The following SYT14 variants were observed in gnomAD, a reference collection of about 807,000 sequenced individuals.
The protein encoded by SYT14 is synaptotagmin-14.
Under a neutral mutation model 74.2 loss-of-function variants are expected in SYT14, and 32 were observed. The ratio of observed to expected loss-of-function variants is 0.43; its 90% CI spans 0.33 to 0.58. The LOEUF (loss-of-function observed/expected upper bound fraction) is 0.58, where lower values mean the gene tolerates loss of function less well. SYT14 is among the 20% of genes least tolerant of loss of function. SYT14 has a pLI of 0.05. For synonymous variants in SYT14, 298 were observed against 337.7 expected, an observed-to-expected ratio of 0.88 and a Z score of 1.29; for missense variants, 791 against 981.8, an observed-to-expected ratio of 0.81 and a Z score of 2.60.
chr1:210,044,895 G>A (rs1348776629), intron 5 of SYT14, among the ~76,000 whole-genome samples: 2 of 152,134 alleles, frequency 1.3e-5, no homozygotes, highest in African/African-American at 4.8e-5. Context: ...GAGCAAGACA[G>A]TGAGTTGGCA....
intron 2 of SYT14, among the ~76,000 whole-genome samples, chr1:210,000,465 C>T (rs553382933): frequency 3.5e-5 from 3 of 86,114 alleles, no homozygotes; most frequent in East Asian, 3.3e-4. Flanking sequence ...TGTCCTCATA[C>T]GCACACACAC....
intron 2 of SYT14, among the ~76,000 whole-genome samples, chr1:209,971,192 A>G (rs749121242): frequency 1.3e-5 from 2 of 152,192 alleles, no homozygotes; most frequent in Non-Finnish European, 2.9e-5. Context: ...CTTAAACATT[A>G]TAAGTGTATA....
intron 5 of SYT14, among the ~76,000 whole-genome samples, chr1:210,082,575 A>G (rs569924904): frequency 6.6e-6 from 1 of 152,332 alleles, no homozygotes; most frequent in South Asian, 2.1e-4. Context: ...TATAAGACCT[A>G]CCTATCTCTT....
At chr1:210,010,506 A>G (rs891140810) in intron 2 of SYT14, among the ~76,000 whole-genome samples, 3 of 152,134 alleles carry the variant, frequency 2.0e-5, no homozygotes, top group African/African-American at 2.4e-5. Context: ...TAGAGGTTCT[A>G]TTCCTTTTTT....
chr1:210,021,223 T>C (rs1189653886), exon 5 of SYT14: 4 of 1,613,898 alleles, frequency 2.5e-6, no homozygotes, highest in African/African-American at 2.7e-5. Context: ...CAGAGTATGA[T>C]GGATACAGTA....
Position 210,125,226 on chromosome 1 carries a change from C to A in SYT14, c.2034+24765C>A, listed in dbSNP as rs181480108. 2.4e-3 allele frequency among the ~76,000 whole-genome samples: 371 copies of A among 151,922 alleles called. 1 individual carries two copies. The highest frequency in any genetic ancestry group is 8.4e-3 in the African/African-American group (348 of 41,434). On this transcript the variant is annotated intron_variant, in intron 7 of 9. Coordinates refer to ENST00000637265, the Ensembl canonical transcript of SYT14. ...TCCTTACCCCCATCCCACCCTCCCC[C>A]CTTTTGAAATTCCCGGAGTCTGTTG...
intron 2 of SYT14, among the ~76,000 whole-genome samples, chr1:209,960,307 G>A (rs1484917155): frequency 6.6e-6 from 1 of 152,122 alleles, no homozygotes; most frequent in Non-Finnish European, 1.5e-5. Flanking sequence ...GTAGAAAAAA[G>A]TCTCTGTAGT....
chr1:210,099,420 A>G (rs2082020815), intron 6 of SYT14, among the ~76,000 whole-genome samples: 1 of 152,208 alleles, frequency 6.6e-6, no homozygotes, highest in African/African-American at 2.4e-5. Flanking sequence ...AAGTAAATAC[A>G]GTCTATGTTA....
At chr1:210,039,914 A>G (rs2080750398) in intron 5 of SYT14, among the ~76,000 whole-genome samples, 1 of 152,180 alleles carries the variant, frequency 6.6e-6, no homozygotes, top group South Asian at 2.1e-4. Flanking sequence ...AAGTAGGAAC[A>G]CTTTTACACT....
At chr1:209,961,887 G>A (rs918843991) in intron 2 of SYT14, among the ~76,000 whole-genome samples, 2 of 151,972 alleles carry the variant, frequency 1.3e-5, no homozygotes, top group Non-Finnish European at 2.9e-5. Flanking sequence ...TTAAATAATG[G>A]CATATGTCTA....
intron 2 of SYT14, among the ~76,000 whole-genome samples, chr1:209,984,841 A>G (rs747061873): frequency 3.9e-5 from 6 of 152,190 alleles, no homozygotes; most frequent in Admixed American, 2.0e-4. Flanking sequence ...GGCACTTCAC[A>G]TGGCAAAAGC....
chr1:210,152,452 C>G (rs1342735243), intron 7 of SYT14, among the ~76,000 whole-genome samples: 1 of 151,942 alleles, frequency 6.6e-6, no homozygotes, highest in Non-Finnish European at 1.5e-5. Context: ...TGGATTGGAT[C>G]TCTTTGGGAA....
At chr1:209,951,777 A>G (rs34931444) in intron 1 of SYT14, among the ~76,000 whole-genome samples, 36,213 of 152,172 alleles carry the variant, frequency 0.24, 4,527 homozygotes, top group Middle Eastern at 0.3. Flanking sequence ...ATGTATATTT[A>G]TACACAATGG....
chr1:210,068,989 A>C (rs1041380401), intron 5 of SYT14, among the ~76,000 whole-genome samples: 2 of 151,442 alleles, frequency 1.3e-5, no homozygotes, highest in African/African-American at 4.8e-5. Context: ...CTTCATTTTT[A>C]TTTGTTTTTA....
intron 2 of SYT14, among the ~76,000 whole-genome samples, chr1:209,981,988 C>T (rs1332329469): frequency 2.6e-5 from 4 of 151,428 alleles, no homozygotes; most frequent in South Asian, 4.2e-4. Flanking sequence ...GGTGTTGCCT[C>T]GATTTCTTAT....
intron 7 of SYT14, among the ~76,000 whole-genome samples, chr1:210,146,052 G>C (rs548982600): frequency 6.6e-6 from 1 of 152,172 alleles, no homozygotes; most frequent in South Asian, 2.1e-4. Context: ...GATAAAAACA[G>C]TATGGCCCGG....
At chr1:210,145,355 G>T in intron 7 of SYT14, among the ~76,000 whole-genome samples, 1 of 152,162 alleles carries the variant, frequency 6.6e-6, no homozygotes, top group African/African-American at 2.4e-5. Flanking sequence ...ATCTGAGCAT[G>T]TTACTCCCCA....
chr1:209,986,130 T>A (rs763115736), intron 2 of SYT14, among the ~76,000 whole-genome samples: 1 of 152,246 alleles, frequency 6.6e-6, no homozygotes, highest in Non-Finnish European at 1.5e-5. Context: ...CTTAAATTCC[T>A]GCCTTGAAAT....
intron 5 of SYT14, among the ~76,000 whole-genome samples, chr1:210,093,437 C>T (rs958665352): frequency 1.3e-5 from 2 of 151,628 alleles, no homozygotes; most frequent in African/African-American, 4.8e-5. Context: ...CTTAGCTGTT[C>T]TTAAATTATT....
Sources: gnomAD v4.1 joint callset for allele counts (sites outside exome capture counted in the v4.1 genomes callset) on GRCh38, gnomAD v4.1.1 for gene constraint, MANE v1.5 for transcripts, NCBI Gene and HGNC (gene_info 2026-07-23, HGNC 2026-07-21) for gene names.